The following PPME1 variants were observed in gnomAD, a reference collection of about 807,000 sequenced individuals.
PPME1 encodes the protein testicular secretory protein Li 39.
In PPME1, 17 loss-of-function variants were observed where a neutral mutation model predicts 56.9. The observed-to-expected ratio is 0.30, with a 90% CI of 0.20 to 0.45. The LOEUF (loss-of-function observed/expected upper bound fraction) is 0.45. Among genes scored for constraint, PPME1 ranks in the 20% least tolerant of loss-of-function variants. The pLI is 1.00. For synonymous variants in PPME1, 122 were observed against 156.2 expected (o/e 0.78, Z 1.63); for missense variants, 357 against 483.2 (o/e 0.74, Z 2.45).
chr11:74,237,508 C>T (rs995218607), intron 8 of PPME1, among the ~76,000 whole-genome samples: 2 of 151,952 alleles, frequency 1.3e-5, no homozygotes, highest in East Asian at 3.9e-4. Context: ...ATCTCCTGAC[C>T]TCATGATCCG....
chr11:74,219,186 A>G (rs184223849), intron 3 of PPME1, among the ~76,000 whole-genome samples: 1 of 152,248 alleles, frequency 6.6e-6, no homozygotes, highest in East Asian at 1.9e-4. Flanking sequence ...ATAATGAGGT[A>G]TCATCTCACC....
intron 1 of PPME1, among the ~76,000 whole-genome samples, chr11:74,184,989 C>CTTTTT (rs559947122): frequency 1.7e-4 from 16 of 95,720 alleles, no homozygotes; most frequent in Non-Finnish European, 2.8e-4. Context: ...TGAAGTATGT[C>CTTTTT]TTTTTTTTTT....
In PPME1 at chr11:74,239,254, G is replaced by A; in HGVS notation, c.832G>A (p.Glu278Lys). 6.2e-7 allele frequency: 1 copy of A among 1,612,058 alleles called. No homozygotes were observed. The highest frequency in any genetic ancestry group is 8.5e-7 in the Non-Finnish European group (1 of 1,179,296). ...CAAGAGGAAAAAGGAAGATGACATG[G>A]AGGTGGGTAAAAACATTCATTCTTG... is the stretch of plus-strand genomic sequence containing the variant. ...ISKRKKEDDM[E>K]TKKDHPYTWR... The change falls in exon 9 of 14, where the codon GAG becomes AAG. Residue 278 changes from glutamate to lysine, a missense_variant and splice_region_variant. Physicochemically the swap from Glu to Lys is moderately conservative, Grantham distance 56. Around this residue, in one of 2 missense-constraint regions of PPME1, gnomAD observed 182 missense variants for 293.8 expected, o/e 0.62. Transcript: ENST00000328257.
intron 1 of PPME1, among the ~76,000 whole-genome samples, chr11:74,193,526 TG>T (rs1176413697): frequency 2.0e-5 from 3 of 152,262 alleles, no homozygotes; most frequent in Admixed American, 1.3e-4. Context: ...CCAAGCATTT[TG>T]GATGAGGGAT....
chr11:74,181,201 C>T lies in PPME1; in HGVS notation c.101+9679C>T, dbSNP rs532544852. On this transcript the variant is annotated intron_variant, in intron 1 of 13. Coordinates refer to ENST00000328257, the MANE Select transcript of PPME1 (RefSeq NM_016147.3). ...CTGGGACTACAGGCGCCTGCCACCG[C>T]GCCCGGCTAATTTTTTTTTTGTATT... Among the ~76,000 whole-genome samples, 8 of 151,786 alleles carry T rather than the reference C, an allele frequency of 5.3e-5. No homozygotes were observed. The South Asian group carries it at 8.3e-4, about 16-fold the overall frequency.
In PPME1 at chr11:74,251,236, TC is replaced by T. The variant is rs139432514; in HGVS notation, c.1074+219del. The T allele has an allele frequency of 4.7e-3, 6,575 of 1,400,490 alleles. 26 individuals carry two copies. The highest frequency in any genetic ancestry group is 5.5e-3 in the Non-Finnish European group (5,888 of 1,079,132). The allele number at this position is 1,400,490 out of a possible 1,614,324, so 86.8% of individuals were successfully genotyped here. On this transcript the variant is annotated intron_variant, in intron 12 of 13. Transcript: ENST00000328257. ...GAGGAGCTACTGACACTCTGCTATTTCATCCCAGGGCCCTGTGGTTAAGATC... is the reference window on the plus strand; with the variant it reads ...GAGGAGCTACTGACACTCTGCTATTTATCCCAGGGCCCTGTGGTTAAGATC...
chr11:74,198,498 G>C (rs1591028812), intron 1 of PPME1, among the ~76,000 whole-genome samples: 2 of 152,134 alleles, frequency 1.3e-5, no homozygotes, highest in South Asian at 4.2e-4. Context: ...GTTTCGCCTT[G>C]TCCCCCAGGC....
At chr11:74,176,962 C>G (rs1015785326) in intron 1 of PPME1, among the ~76,000 whole-genome samples, 2 of 151,756 alleles carry the variant, frequency 1.3e-5, no homozygotes, top group East Asian at 3.9e-4. Context: ...AACTCCTGGC[C>G]CCAGGTAATC....
intron 11 of PPME1, chr11:74,249,347 G>A (rs1443461005): frequency 1.3e-5 from 2 of 152,174 alleles, no homozygotes; most frequent in Non-Finnish European, 2.9e-5. Context: ...TAGGCTCTCT[G>A]AACCTAAGGC....
intron 1 of PPME1, among the ~76,000 whole-genome samples, chr11:74,181,495 ACT>A: frequency 6.6e-6 from 1 of 152,166 alleles, no homozygotes; most frequent in South Asian, 2.1e-4. Context: ...GTACTTTTTC[ACT>A]GTTACTGTGT....
chr11:74,246,956 C>G (rs1472767265), intron 10 of PPME1, 123 bp from the exon 11 acceptor site: 1 of 821,938 alleles, frequency 1.2e-6, no homozygotes, highest in Admixed American at 2.3e-5. Flanking sequence ...AGAGTATGCT[C>G]TGGGAGTTAG....
chr11:74,206,686 C>T (rs1022598411), intron 3 of PPME1, among the ~76,000 whole-genome samples: 1 of 152,158 alleles, frequency 6.6e-6, no homozygotes, highest in Non-Finnish European at 1.5e-5. Flanking sequence ...CCCACCTCAG[C>T]CTCCCAAGTA....
chr11:74,209,762 G>T (rs1379854941), intron 3 of PPME1, among the ~76,000 whole-genome samples: 1 of 152,106 alleles, frequency 6.6e-6, no homozygotes, highest in Admixed American at 6.6e-5. Flanking sequence ...AAAGGAAGAA[G>T]TTCATTTACA....
chr11:74,203,639 T>TG, intron 1 of PPME1, 89 bp from the exon 2 acceptor site: 1 of 891,478 alleles, frequency 1.1e-6, no homozygotes, highest in Middle Eastern at 2.3e-4. Flanking sequence ...GCTGTTTTCA[T>TG]TACTGACTTA....
intron 1 of PPME1, among the ~76,000 whole-genome samples, chr11:74,187,456 T>G (rs965161529): frequency 1.3e-5 from 2 of 152,224 alleles, no homozygotes; most frequent in Non-Finnish European, 2.9e-5. Flanking sequence ...CTTGCATTTA[T>G]TTGGCTATAT....
intron 3 of PPME1, among the ~76,000 whole-genome samples, chr11:74,211,216 T>C (rs1459955097): frequency 4.6e-5 from 7 of 152,204 alleles, no homozygotes; most frequent in Admixed American, 4.6e-4. Flanking sequence ...AAATAAGTTA[T>C]GTTCCTGTAT....
chr11:74,175,094 G>A (rs369255972), intron 1 of PPME1, among the ~76,000 whole-genome samples: 1 of 152,206 alleles, frequency 6.6e-6, no homozygotes, highest in African/African-American at 2.4e-5. Flanking sequence ...CACCCCTGGT[G>A]TGCTTGAGAG....
At chr11:74,205,635 A>G (rs929650844) in intron 3 of PPME1, 1 of 152,184 alleles carries the variant, frequency 6.6e-6, no homozygotes, top group Non-Finnish European at 1.5e-5. Context: ...TAGATCATGA[A>G]TTCCTTGAAA....
At chr11:74,177,521 A>G (rs1726751) in intron 1 of PPME1, among the ~76,000 whole-genome samples, 95,295 of 151,850 alleles carry the variant, frequency 0.63, 32,093 homozygotes, top group African/African-American at 0.9. Flanking sequence ...TTTCTATATA[A>G]ATCCGGGTCT....
Sources: gnomAD v4.1 joint callset for allele counts (sites outside exome capture counted in the v4.1 genomes callset) on GRCh38, gnomAD v4.1.1 for gene constraint, gnomAD v4.1.1 regional missense constraint, MANE v1.5 for transcripts, NCBI Gene and HGNC (gene_info 2026-07-23, HGNC 2026-07-21) for gene names.